Variants in SGCZ observed in about 807,000 individuals in gnomAD.
The protein encoded by SGCZ is zeta-sarcoglycan.
SGCZ carries 40 observed loss-of-function variants against 41.3 expected under a neutral mutation model. The observed-to-expected ratio is 0.97, with a 90% CI of 0.75 to 1.26. The LOEUF (loss-of-function observed/expected upper bound fraction) is 1.26. Ranked by LOEUF, SGCZ falls within the 50% of genes most tolerant of loss-of-function variation. The pLI, the probability that SGCZ is intolerant of heterozygous loss-of-function variation, is 0.00. For missense variants in SGCZ, 552 were observed against 369.8 expected, an observed-to-expected ratio of 1.49 and a Z score of -4.04; for synonymous variants, 206 against 137.5, an observed-to-expected ratio of 1.50 and a Z score of -3.49.
intron 5 of SGCZ, among the ~76,000 whole-genome samples, chr8:14,146,301 A>C (rs1803518443): frequency 6.6e-6 from 1 of 152,206 alleles, no homozygotes; most frequent in South Asian, 2.1e-4. Flanking sequence ...CAAGTGCTGA[A>C]GCAAAAAAAT....
chr8:15,069,393 C>A (rs1805270922), intron 1 of SGCZ, among the ~76,000 whole-genome samples: 1 of 152,090 alleles, frequency 6.6e-6, no homozygotes, highest in African/African-American at 2.4e-5. Context: ...TATTTACAAG[C>A]TTATTGTGAA....
chr8:14,996,050 C>T (rs1413043181), intron 1 of SGCZ, among the ~76,000 whole-genome samples: 5 of 152,050 alleles, frequency 3.3e-5, no homozygotes, highest in Admixed American at 2.6e-4. Flanking sequence ...ACTACAGGCG[C>T]CCGCCACCAC....
chr8:14,237,736 A>C (rs1806820470), intron 3 of SGCZ, 57 bp from the exon 4 acceptor site: 1 of 1,501,920 alleles, frequency 6.7e-7, no homozygotes, highest in African/African-American at 1.4e-5. Context: ...CAAATTTACA[A>C]AAAAATATAC....
chr8:14,881,637 C>A (rs1444902956), intron 1 of SGCZ, among the ~76,000 whole-genome samples: 2 of 152,088 alleles, frequency 1.3e-5, no homozygotes, highest in African/African-American at 2.4e-5. Flanking sequence ...TAGTGGGAGA[C>A]TTTAACACCC....
intron 1 of SGCZ, among the ~76,000 whole-genome samples, chr8:15,232,752 TAC>T (rs1563198326): frequency 1.4e-5 from 2 of 145,876 alleles, no homozygotes; most frequent in African/African-American, 2.5e-5. Flanking sequence ...TGTATATATA[TAC>T]ATATATATGT....
intron 5 of SGCZ, among the ~76,000 whole-genome samples, chr8:14,142,380 T>A (rs1277384955): frequency 6.6e-6 from 1 of 151,972 alleles, no homozygotes; most frequent in African/African-American, 2.4e-5. Flanking sequence ...AAGAACAAAA[T>A]TCTAACAGGA....
chr8:14,741,075 G>T (rs1180338084), intron 1 of SGCZ, among the ~76,000 whole-genome samples: 1 of 151,992 alleles, frequency 6.6e-6, no homozygotes, highest in Non-Finnish European at 1.5e-5. Flanking sequence ...AGGTTTTCTT[G>T]TAAAACTGCA....
At chr8:15,061,673 T>TG (rs748753741) in intron 1 of SGCZ, among the ~76,000 whole-genome samples, 5 of 150,400 alleles carry the variant, frequency 3.3e-5, no homozygotes, top group Admixed American at 6.6e-5. Flanking sequence ...AGGATACCAT[T>TG]TCACCCCTTC....
intron 1 of SGCZ, among the ~76,000 whole-genome samples, chr8:14,944,078 T>C (rs773473257): frequency 8.5e-5 from 13 of 152,156 alleles, no homozygotes; most frequent in African/African-American, 1.9e-4. Flanking sequence ...TACTCAAGAA[T>C]TGCCTGTTAA....
chr8:14,130,291 G>GA (rs140894776), intron 5 of SGCZ, among the ~76,000 whole-genome samples: 24,680 of 144,516 alleles, frequency 0.17, 2,934 homozygotes, highest in East Asian at 0.63. Flanking sequence ...CCTCTAAAAT[G>GA]AAAAAAAAAA....
At chr8:14,558,608 GA>G (rs772516771) in intron 1 of SGCZ, among the ~76,000 whole-genome samples, 3,375 of 145,130 alleles carry the variant, frequency 0.023, 44 homozygotes, top group East Asian at 0.042. Context: ...GAGAGAGAGA[GA>G]GAGAATCTTC....
chr8:15,236,033 T>A (rs1414010697), intron 1 of SGCZ, among the ~76,000 whole-genome samples: 1 of 152,226 alleles, frequency 6.6e-6, no homozygotes, highest in South Asian at 2.1e-4. Context: ...CAAGGTCTAC[T>A]GACTATGATC....
chr8:14,120,905 G>A (rs558527837), intron 5 of SGCZ, among the ~76,000 whole-genome samples: 1 of 152,068 alleles, frequency 6.6e-6, no homozygotes, highest in East Asian at 1.9e-4. Context: ...ATCAATGATA[G>A]TTTCATGGAA....
intron 1 of SGCZ, among the ~76,000 whole-genome samples, chr8:14,583,036 G>A (rs1461715886): frequency 1.3e-5 from 2 of 150,762 alleles, no homozygotes; most frequent in East Asian, 3.9e-4. Flanking sequence ...TAATGGGATG[G>A]CTGGGTCAAA....
intron 1 of SGCZ, among the ~76,000 whole-genome samples, chr8:14,835,228 G>C (rs1802657375): frequency 6.6e-6 from 1 of 152,146 alleles, no homozygotes; most frequent in South Asian, 2.1e-4. Flanking sequence ...TGAGCATCTA[G>C]ACAAAGCCTT....
At chr8:15,030,200 A>T (rs1439903321) in intron 1 of SGCZ, among the ~76,000 whole-genome samples, 2 of 152,152 alleles carry the variant, frequency 1.3e-5, no homozygotes, top group African/African-American at 4.8e-5. Flanking sequence ...TAAATGATTC[A>T]TAAGGGGTTA....
intron 1 of SGCZ, among the ~76,000 whole-genome samples, chr8:14,599,830 T>A (rs1805530287): frequency 6.6e-6 from 1 of 152,192 alleles, no homozygotes; most frequent in Non-Finnish European, 1.5e-5. Flanking sequence ...AAACATGCAA[T>A]ATATTTTTCC....
intron 1 of SGCZ, among the ~76,000 whole-genome samples, chr8:14,588,615 GA>G (rs1805140992): frequency 1.3e-5 from 2 of 151,836 alleles, no homozygotes; most frequent in African/African-American, 2.4e-5. Context: ...GTAAAAATGA[GA>G]AAAGAAAAGA....
At chr8:14,847,603 A>G (rs1803173471) in intron 1 of SGCZ, among the ~76,000 whole-genome samples, 1 of 151,050 alleles carries the variant, frequency 6.6e-6, no homozygotes, top group South Asian at 2.1e-4. Flanking sequence ...GAAAGTAGGA[A>G]AAGAAAGGAA....
Sources: allele counts gnomAD v4.1 joint callset (sites outside exome capture counted in the v4.1 genomes callset), GRCh38; gene constraint gnomAD v4.1.1; transcripts MANE v1.5; gene names NCBI Gene and HGNC (gene_info 2026-07-23, HGNC 2026-07-21).